RAPGEF1: variants seen among roughly 807,000 people sequenced by gnomAD.
The protein encoded by RAPGEF1 is Rap guanine nucleotide exchange factor 1, also known as CRK SH3-binding GNRP.
A neutral mutation model predicts 143.3 loss-of-function variants in RAPGEF1; 33 were observed. The ratio of observed to expected loss-of-function variants is 0.23; its 90% CI spans 0.17 to 0.31. The LOEUF (loss-of-function observed/expected upper bound fraction) is 0.31. RAPGEF1 is among the 10% of genes least tolerant of loss of function. The pLI, the probability that RAPGEF1 is intolerant of heterozygous loss-of-function variation, is 1.00. For missense variants in RAPGEF1, 1,199 were observed against 1,645.4 expected (o/e 0.73, Z 4.69); for synonymous variants, 629 against 676.5 (o/e 0.93, Z 1.09).
At chr9:131,660,806 A>G (rs1973858939) in intron 1 of RAPGEF1, among the ~76,000 whole-genome samples, 1 of 152,246 alleles carries the variant, frequency 6.6e-6, no homozygotes, top group Non-Finnish European at 1.5e-5. Flanking sequence ...CTTCTCGCCT[A>G]TGCAGGAAAC....
At chr9:131,657,842 T>C (rs967579081) in intron 1 of RAPGEF1, among the ~76,000 whole-genome samples, 9 of 152,330 alleles carry the variant, frequency 5.9e-5, no homozygotes, top group East Asian at 1.9e-4. Flanking sequence ...CTTTTCAGGA[T>C]AGTTTATATC....
chr9:131,684,650 A>T (rs1336352592), intron 1 of RAPGEF1, among the ~76,000 whole-genome samples: 1 of 152,272 alleles, frequency 6.6e-6, no homozygotes, highest in Non-Finnish European at 1.5e-5. Context: ...TCTACAGAAC[A>T]GCTGCAAAGA....
intron 10 of RAPGEF1, among the ~76,000 whole-genome samples, chr9:131,622,510 T>C (rs969126834): frequency 2.0e-5 from 3 of 152,108 alleles, no homozygotes; most frequent in African/African-American, 7.2e-5. Flanking sequence ...GTCACAGAGG[T>C]AGGGAGTTTA....
At chr9:131,712,281 C>T (rs1218986742) in intron 1 of RAPGEF1, among the ~76,000 whole-genome samples, 1 of 152,206 alleles carries the variant, frequency 6.6e-6, no homozygotes, top group Non-Finnish European at 1.5e-5. Context: ...GAATACCTGG[C>T]ACACAGTAGG....
chr9:131,692,406 T>C (rs1833845703), intron 1 of RAPGEF1, among the ~76,000 whole-genome samples: 1 of 152,262 alleles, frequency 6.6e-6, no homozygotes, highest in Non-Finnish European at 1.5e-5. Context: ...TCTACTTTCC[T>C]ATTTGGAAAC....
chr9:131,649,016 C>T (rs538959959), intron 3 of RAPGEF1, among the ~76,000 whole-genome samples: 6 of 151,986 alleles, frequency 3.9e-5, no homozygotes, highest in Admixed American at 1.3e-4. Context: ...TTTTATTTTA[C>T]ATTGCTAAGT....
At chr9:131,689,878 G>A (rs2131006491) in intron 1 of RAPGEF1, among the ~76,000 whole-genome samples, 1 of 152,318 alleles carries the variant, frequency 6.6e-6, no homozygotes, top group South Asian at 2.1e-4. Context: ...TTAAGTAATA[G>A]TTATGAAATG....
At chr9:131,668,301 C>A (rs1432417438) in intron 1 of RAPGEF1, among the ~76,000 whole-genome samples, 1 of 152,190 alleles carries the variant, frequency 6.6e-6, no homozygotes. Context: ...GTTAAATCAG[C>A]AGCGGCTGTT....
At position 131,715,661 on chromosome 9, in the gene RAPGEF1, A is replaced by T. The variant is rs183875774; in HGVS notation, c.61+24109T>A. Among the ~76,000 whole-genome samples the T allele has an allele frequency of 1.1e-4, 16 of 152,058 alleles. No individual in the cohort carries two copies. The East Asian group carries it at 2.9e-3, about 28-fold the overall frequency. ...TGGGCAGATCACAAGGTCAGGAGAT[A>T]GAGACCATCCTGGCCAAGATGGTGA... On this transcript the variant is annotated intron_variant, in intron 1 of 26. Transcript: ENST00000683357.
intron 1 of RAPGEF1, among the ~76,000 whole-genome samples, chr9:131,677,133 G>A (rs748356978): frequency 1.5e-4 from 23 of 152,196 alleles, no homozygotes; most frequent in Non-Finnish European, 2.6e-4. Context: ...AGGAACTGGG[G>A]ACACCAGGGG....
rs546305399 is a variant in RAPGEF1 at position 131,690,914 on chromosome 9, T to C, written c.62-39965A>G. Among the ~76,000 whole-genome samples the C allele has an allele frequency of 1.9e-3, 295 of 152,390 alleles. 1 individual carries two copies. The highest frequency in any genetic ancestry group is 3.1e-3 in the South Asian group (15 of 4,832). The stretch of plus-strand genomic sequence containing the variant: ...ACAGTTAATTGCTTTGTTCTGATGC[T>C]TGTCTCAATGCTTTCTTGGAGTATT... On this transcript the variant is annotated intron_variant, in intron 1 of 26. Coordinates refer to ENST00000683357, the MANE Select transcript of RAPGEF1 (RefSeq NM_001377935.1).
At chr9:131,669,447 G>A (rs571615578) in intron 1 of RAPGEF1, among the ~76,000 whole-genome samples, 3 of 152,254 alleles carry the variant, frequency 2.0e-5, no homozygotes, top group Admixed American at 6.5e-5. Context: ...CAGACACTGC[G>A]TGGCATCCTC....
At chr9:131,684,884 T>G (rs1833208273) in intron 1 of RAPGEF1, among the ~76,000 whole-genome samples, 1 of 152,286 alleles carries the variant, frequency 6.6e-6, no homozygotes, top group South Asian at 2.1e-4. Context: ...ATGTCGAGAC[T>G]GATGCTGAGG....
chr9:131,696,460 T>C (rs940334815), intron 1 of RAPGEF1, among the ~76,000 whole-genome samples: 7 of 152,256 alleles, frequency 4.6e-5, no homozygotes, highest in Non-Finnish European at 1.0e-4. Flanking sequence ...ATGGTCTTTA[T>C]AGAAAAAGTC....
At chr9:131,677,332 T>C (rs1190395299) in intron 1 of RAPGEF1, among the ~76,000 whole-genome samples, 1 of 152,226 alleles carries the variant, frequency 6.6e-6, no homozygotes. Context: ...AGAGATGCAA[T>C]GTGCTAACAA....
chr9:131,671,085 C>G (rs1184668284), intron 1 of RAPGEF1, among the ~76,000 whole-genome samples: 1 of 152,172 alleles, frequency 6.6e-6, no homozygotes, highest in Non-Finnish European at 1.5e-5. Flanking sequence ...CGGGGAATGC[C>G]CCTAGGAAAA....
intron 1 of RAPGEF1, among the ~76,000 whole-genome samples, chr9:131,732,673 C>T (rs1837156466): frequency 6.7e-6 from 1 of 148,206 alleles, no homozygotes; most frequent in South Asian, 2.1e-4. Context: ...TACTAATGTA[C>T]CAAGAAACAT....
At chr9:131,725,884 G>A (rs1005701689) in intron 1 of RAPGEF1, among the ~76,000 whole-genome samples, 3 of 150,034 alleles carry the variant, frequency 2.0e-5, no homozygotes, top group South Asian at 4.3e-4. Flanking sequence ...TCAGCCTCCC[G>A]AGTAGCTGGG....
chr9:131,635,872 G>A (rs1294543769), intron 5 of RAPGEF1, among the ~76,000 whole-genome samples: 2 of 152,208 alleles, frequency 1.3e-5, no homozygotes, highest in Non-Finnish European at 2.9e-5. Context: ...GTTGTCATGA[G>A]TATTAAGTGA....
Sources: gnomAD v4.1 joint callset for allele counts (sites outside exome capture counted in the v4.1 genomes callset) on GRCh38, gnomAD v4.1.1 for gene constraint, MANE v1.5 for transcripts, NCBI Gene and HGNC (gene_info 2026-07-23, HGNC 2026-07-21) for gene names.